NTN1: variants seen among roughly 807,000 people sequenced by gnomAD.
NTN1 encodes netrin-1.
A neutral mutation model predicts 54.2 loss-of-function variants in NTN1; 11 were observed. The observed-to-expected ratio is 0.20, with a 90% CI of 0.13 to 0.34. The LOEUF (loss-of-function observed/expected upper bound fraction) is 0.34. Ranked by LOEUF, NTN1 falls within the 10% of genes least tolerant of loss-of-function variation. The probability of loss-of-function intolerance (pLI) is 1.00; values close to 1 mark genes in which losing one functional copy is unlikely to be tolerated. For missense variants in NTN1, 740 were observed against 893.1 expected, an observed-to-expected ratio of 0.83 and a Z score of 2.18; for synonymous variants, 371 against 382.0, an observed-to-expected ratio of 0.97 and a Z score of 0.33.
chr17:9,231,164 C>T, intron 6 of NTN1, among the ~76,000 whole-genome samples: 1 of 152,170 alleles, frequency 6.6e-6, no homozygotes, highest in South Asian at 2.1e-4. Context: ...GTGCCTTTGG[C>T]ACTGAGGACC....
At chr17:9,120,069 A>G (rs1433696008) in intron 2 of NTN1, among the ~76,000 whole-genome samples, 1 of 152,094 alleles carries the variant, frequency 6.6e-6, no homozygotes, top group Non-Finnish European at 1.5e-5. Context: ...TCACGAGGTC[A>G]GGAGTTCGAG....
intron 2 of NTN1, among the ~76,000 whole-genome samples, chr17:9,130,758 C>T (rs9907853): frequency 0.033 from 5,010 of 152,222 alleles, 263 homozygotes; most frequent in African/African-American, 0.11. Context: ...CTGTCATTAC[C>T]CTACCCTGAT....
chr17:9,162,629 C>G (rs547905950), intron 2 of NTN1, among the ~76,000 whole-genome samples, 184 bp from the exon 3 acceptor site: 1 of 152,180 alleles, frequency 6.6e-6, no homozygotes, highest in Non-Finnish European at 1.5e-5. Flanking sequence ...TGTTACGTGC[C>G]CAATAAATGC....
chr17:9,185,058 T>C (rs2092429320), intron 5 of NTN1, among the ~76,000 whole-genome samples: 1 of 152,244 alleles, frequency 6.6e-6, no homozygotes. Flanking sequence ...TAAAATATCT[T>C]CCTCAGAGAG....
chr17:9,196,196 T>G (rs997030528), intron 5 of NTN1, among the ~76,000 whole-genome samples: 11 of 152,062 alleles, frequency 7.2e-5, no homozygotes, highest in African/African-American at 2.7e-4. Flanking sequence ...ACCCGGGCAA[T>G]GGGGGGCTGC....
intron 2 of NTN1, among the ~76,000 whole-genome samples, chr17:9,073,102 C>T (rs963477246): frequency 6.6e-6 from 1 of 152,228 alleles, no homozygotes; most frequent in Non-Finnish European, 1.5e-5. Flanking sequence ...ATATTGAAAG[C>T]AGCCTGGCAG....
chr17:9,136,092 C>T (rs1317958384), intron 2 of NTN1, among the ~76,000 whole-genome samples: 1 of 152,222 alleles, frequency 6.6e-6, no homozygotes, highest in Admixed American at 6.5e-5. Flanking sequence ...AGTCCCCACT[C>T]AGGGGAAACT....
chr17:9,030,485 G>A lies in NTN1; in HGVS notation c.1018+7094G>A, dbSNP rs970149310. Among the ~76,000 whole-genome samples, 5 of 152,226 alleles carry A rather than the reference G, an allele frequency of 3.3e-5. No homozygotes were observed. In the East Asian group the frequency reaches 7.7e-4, roughly 23 times the overall value. ...TCTGTGGCTGGACGCAGTGGCTCAC[G>A]CCTGTAATCCCAGCACTTTGGGAGG... On this transcript the variant is annotated intron_variant, in intron 2 of 6. Coordinates refer to ENST00000173229, the MANE Select transcript of NTN1 (RefSeq NM_004822.3).
intron 3 of NTN1, chr17:9,171,347 C>T (rs1323890898): frequency 1.3e-5 from 2 of 152,192 alleles, no homozygotes; most frequent in African/African-American, 4.8e-5. Flanking sequence ...CAACATGCCC[C>T]CCTCTCCCCA....
intron 2 of NTN1, among the ~76,000 whole-genome samples, chr17:9,126,452 G>T (rs1016078415): frequency 7.0e-6 from 1 of 142,050 alleles, no homozygotes; most frequent in Non-Finnish European, 1.5e-5. Flanking sequence ...GGAGGTTGCG[G>T]TGAGCCGAGA....
At chr17:9,009,017 G>A in the NTN1 span, among the ~76,000 whole-genome samples, 1 of 152,080 alleles carries the variant, frequency 6.6e-6, no homozygotes, top group Non-Finnish European at 1.5e-5. Flanking sequence ...CTCCAGCCAG[G>A]GTGACAGAGT....
chr17:9,162,931 C>T lies in NTN1; in HGVS notation c.1137C>T (p.His379=), dbSNP rs55687153. The part of the protein sequence containing the change: ...LNCRHNTAGR[H]CHYCKEGYYR... ...GTCGCCACAACACCGCCGGCCGCCA[C>T]TGCCATTACTGCAAGGAGGGCTACT... Residue 379 remains histidine (H), a synonymous_variant, in exon 3 of 7, where the codon CAC becomes CAT. Coordinates refer to ENST00000173229, the MANE Select transcript of NTN1 (RefSeq NM_004822.3). 39,447 of 1,613,756 alleles carry T rather than the reference C, an allele frequency of 0.024. 866 individuals carry two copies. The highest frequency in any genetic ancestry group is 0.11 in the East Asian group (4,910 of 44,838).
chr17:9,194,504 C>T (rs1904569838), intron 5 of NTN1, among the ~76,000 whole-genome samples: 1 of 152,136 alleles, frequency 6.6e-6, no homozygotes, highest in South Asian at 2.1e-4. Context: ...GGTGTTTAAA[C>T]CGTGGGATTC....
chr17:9,226,346 C>A (rs1004650667), intron 6 of NTN1, among the ~76,000 whole-genome samples: 1 of 152,052 alleles, frequency 6.6e-6, no homozygotes, highest in African/African-American at 2.4e-5. Flanking sequence ...ACATGATATC[C>A]TTCTAAGTGA....
intron 6 of NTN1, among the ~76,000 whole-genome samples, chr17:9,226,182 A>C (rs1905540772): frequency 6.8e-6 from 1 of 146,200 alleles, no homozygotes. Context: ...CCTCAGTGCC[A>C]AGGCCCTGCC....
chr17:9,045,616 T>C (rs2142194445), intron 2 of NTN1, among the ~76,000 whole-genome samples: 1 of 152,118 alleles, frequency 6.6e-6, no homozygotes, highest in East Asian at 1.9e-4. Flanking sequence ...ATTAATGAGC[T>C]AAGTATCTAA....
At chr17:9,100,449 C>T (rs2092146779) in intron 2 of NTN1, among the ~76,000 whole-genome samples, 1 of 152,078 alleles carries the variant, frequency 6.6e-6, no homozygotes, top group Admixed American at 6.6e-5. Flanking sequence ...AAGCATGTGC[C>T]ACCATGCCCA....
At chr17:9,193,938 A>AAC (rs1555575005) in intron 5 of NTN1, among the ~76,000 whole-genome samples, 2 of 108,306 alleles carry the variant, frequency 1.8e-5, no homozygotes, top group Non-Finnish European at 3.8e-5. Flanking sequence ...AAAAAAAAAA[A>AAC]AAAAAACATT....
rs560179875 is a variant in NTN1 at position 9,221,509 on chromosome 17, A to G, written c.1486+267A>G. Among the ~76,000 whole-genome samples the G allele has an allele frequency of 1.6e-4, 24 of 152,012 alleles. No individual in the cohort carries two copies. The highest frequency in any genetic ancestry group is 5.3e-4 in the African/African-American group (22 of 41,460). On this transcript the variant is annotated intron_variant, in intron 6 of 6. Coordinates refer to ENST00000173229, the MANE Select transcript of NTN1 (RefSeq NM_004822.3). This position sits in a 1 kb window ranked among gnomAD's most constrained non-coding sequence, Gnocchi z 4.5. ...ACACCCAGGCTGGCCTCTGGCTTTG[A>G]CTCTGCCGCTGATGGGCTGTGTGGC...
Sources: gnomAD v4.1 joint callset for allele counts (sites outside exome capture counted in the v4.1 genomes callset) on GRCh38, gnomAD v4.1.1 for gene constraint, Gnocchi (gnomAD v3.1) non-coding constraint, MANE v1.5 for transcripts, NCBI Gene and HGNC (gene_info 2026-07-23, HGNC 2026-07-21) for gene names.